Variants in ALDH1L1 observed in about 807,000 individuals in gnomAD.
ALDH1L1 encodes aldehyde dehydrogenase 1 family member L1, also known as cytosolic 10-formyltetrahydrofolate dehydrogenase.
ALDH1L1 carries 68 observed loss-of-function variants against 101.1 expected under a neutral mutation model. The ratio of observed to expected loss-of-function variants is 0.67; its 90% CI spans 0.55 to 0.82. The LOEUF (loss-of-function observed/expected upper bound fraction) is 0.82. ALDH1L1 is among the 40% of genes least tolerant of loss of function. The probability of loss-of-function intolerance (pLI) is 0.00; values close to 1 mark genes in which losing one functional copy is unlikely to be tolerated. For missense variants in ALDH1L1, 1,087 were observed against 1,172.7 expected (o/e 0.93, Z 1.07); for synonymous variants, 486 against 470.8 (o/e 1.03, Z -0.42).
At chr3:126,196,260 C>T (rs772446380) in intron 1 of ALDH1L1, among the ~76,000 whole-genome samples, 3 of 152,082 alleles carry the variant, frequency 2.0e-5, no homozygotes, top group South Asian at 2.1e-4. Flanking sequence ...AAGGCAAAAC[C>T]GACCTTCAAA....
chr3:126,142,525 G>A (rs2080587665), intron 9 of ALDH1L1, among the ~76,000 whole-genome samples: 1 of 149,856 alleles, frequency 6.7e-6, no homozygotes, highest in Admixed American at 6.7e-5. Context: ...TTCTTGGAAT[G>A]CAAGGATACT....
At chr3:126,109,900 G>C (rs1283827207) in intron 20 of ALDH1L1, 44 bp downstream of exon 20, 2 of 1,604,568 alleles carry the variant, frequency 1.2e-6, no homozygotes, top group African/African-American at 1.3e-5. Context: ...CATGGGACCT[G>C]CTGCCTCAAT....
At chr3:126,118,595 C>T (rs964944025) in intron 16 of ALDH1L1, among the ~76,000 whole-genome samples, 5 of 152,062 alleles carry the variant, frequency 3.3e-5, no homozygotes, top group South Asian at 4.2e-4. Context: ...CCCCAGTCTG[C>T]GGAGCTTTGA....
chr3:126,171,849 A>G (rs2081283470), intron 1 of ALDH1L1, among the ~76,000 whole-genome samples: 1 of 152,178 alleles, frequency 6.6e-6, no homozygotes, highest in Non-Finnish European at 1.5e-5. Flanking sequence ...TCACTGAAAC[A>G]CTAAGACCTA....
In ALDH1L1 at chr3:126,103,648, C is replaced by T. The variant is rs1292280671; in HGVS notation, c.*143G>A. The T allele has an allele frequency of 1.3e-5, 11 of 815,298 alleles. No homozygotes were observed. Among genetic ancestry groups the T allele is most frequent in the South Asian group, 5.0e-5 (3 of 59,886 alleles). The allele number at this position is 815,298 out of a possible 1,614,324, so 50.5% of individuals were successfully genotyped here. A position where few individuals can be genotyped will look rare whatever the true frequency, so the allele number is the denominator to read the frequency against. ...GGGCTGCTTCTGACTGGACAGAGGGCGTCCAAGATGCAGACATGGTGTGCA... is the reference window on the plus strand; with the variant it reads ...GGGCTGCTTCTGACTGGACAGAGGGTGTCCAAGATGCAGACATGGTGTGCA... On this transcript the variant is annotated 3_prime_UTR_variant, in exon 23 of 23. Transcript: ENST00000393434.
At position 126,114,667 on chromosome 3, in the gene ALDH1L1, C is replaced by G. The variant is rs768822020; in HGVS notation, c.1983-11G>C. ...TTACTTATGGCACAGCTGCAAGGAA[C>G]AGAGGGCTGGTGGGGCCGGTCCCTC... On this transcript the variant is annotated splice_polypyrimidine_tract_variant and intron_variant, in intron 17 of 22. Coordinates refer to ENST00000393434, the MANE Select transcript of ALDH1L1 (RefSeq NM_012190.4). 2 of 1,544,682 alleles carry G rather than the reference C, an allele frequency of 1.3e-6. No individual in the cohort carries two copies. The highest frequency in any genetic ancestry group is 1.7e-6 in the Non-Finnish European group (2 of 1,144,324).
chr3:126,188,016 G>A (rs569122746), intron 1 of ALDH1L1, among the ~76,000 whole-genome samples: 1 of 152,210 alleles, frequency 6.6e-6, no homozygotes, highest in East Asian at 1.9e-4. Flanking sequence ...GCTGCTACAC[G>A]GTCAGGCTGC....
intron 8 of ALDH1L1, among the ~76,000 whole-genome samples, chr3:126,148,632 C>T (rs1388010205): frequency 6.6e-6 from 1 of 152,146 alleles, no homozygotes; most frequent in African/African-American, 2.4e-5. Context: ...TTGAGCCCAG[C>T]CCTCCAGAGC....
intron 1 of ALDH1L1, among the ~76,000 whole-genome samples, chr3:126,194,342 C>G (rs991655918): frequency 6.6e-6 from 1 of 152,110 alleles, no homozygotes; most frequent in South Asian, 2.1e-4. Flanking sequence ...TCCTGTTTAC[C>G]TCTCTTTTGG....
chr3:126,157,490 A>G lies in ALDH1L1; in HGVS notation c.381T>C (p.Asp127=). ...AGAAGATGGAAAACCCCCCTTTCTT[A>G]TCTCCGTGAATGAGGGTCCTAGGAA... ...SAINWTLIHG[D]KKGGFSIFWA... The change falls in exon 4 of 23, where the codon GAT becomes GAC. Residue 127 remains aspartate, a synonymous_variant. Transcript: ENST00000393434. 1 of 1,613,820 alleles carries G rather than the reference A, an allele frequency of 6.2e-7. No homozygotes were observed. Among genetic ancestry groups the G allele is most frequent in the Non-Finnish European group, 8.5e-7 (1 of 1,179,950 alleles).
intron 16 of ALDH1L1, 52 bp from the exon 17 acceptor site, chr3:126,118,150 G>A (rs374431445): frequency 1.4e-6 from 2 of 1,466,570 alleles, no homozygotes. Flanking sequence ...GTGCTGGGGA[G>A]GCAGGAGCCC....
Position 126,174,587 on chromosome 3 carries a change from A to T in ALDH1L1, c.-24+5889T>A, listed in dbSNP as rs79357345. Among the ~76,000 whole-genome samples the T allele has an allele frequency of 5.9e-5, 9 of 152,380 alleles. No homozygotes were observed. The East Asian group carries it at 1.7e-3, about 29-fold the overall frequency. The stretch of plus-strand genomic sequence containing the variant: ...CACAACAGAATCACTAGAAATCAAT[A>T]ACAGAAAGATATCTGAAAAACATTA... On this transcript the variant is annotated intron_variant, in intron 1 of 22. Transcript: ENST00000393434.
chr3:126,191,475 G>T (rs1363831373), intron 1 of ALDH1L1, among the ~76,000 whole-genome samples: 1 of 152,176 alleles, frequency 6.6e-6, no homozygotes, highest in Non-Finnish European at 1.5e-5. Context: ...CAATTTGGAA[G>T]TCCTAAGGTT....
chr3:126,186,493 A>C (rs558604729), upstream of ALDH1L1, among the ~76,000 whole-genome samples: 457 of 151,774 alleles, frequency 3.0e-3, 1 homozygote, highest in African/African-American at 0.01. Context: ...CTGACCCTGA[A>C]CCTGACCCTG....
intron 19 of ALDH1L1, 61 bp downstream of exon 19, chr3:126,112,721 T>C: frequency 6.6e-7 from 1 of 1,504,520 alleles, no homozygotes; most frequent in South Asian, 1.1e-5. Context: ...TCCAACCCCC[T>C]CCAGCCAGGC....
intron 19 of ALDH1L1, among the ~76,000 whole-genome samples, chr3:126,112,225 G>A (rs894586814): frequency 7.2e-5 from 11 of 152,170 alleles, no homozygotes; most frequent in Admixed American, 3.3e-4. Context: ...CCAGATCCCC[G>A]AGGCCATGCA....
chr3:126,131,311 C>T, intron 13 of ALDH1L1, 73 bp downstream of exon 13: 2 of 1,461,004 alleles, frequency 1.4e-6, no homozygotes, highest in East Asian at 2.4e-5. Context: ...GATGACTGTG[C>T]TGCCCTTGGA....
chr3:126,171,469 A>T (rs1397127806), intron 1 of ALDH1L1, among the ~76,000 whole-genome samples: 3 of 150,814 alleles, frequency 2.0e-5, no homozygotes, highest in African/African-American at 7.4e-5. Flanking sequence ...TCTGTAAGAG[A>T]GTGTGCCTCT....
At chr3:126,109,273 C>A (rs1003259441) in intron 20 of ALDH1L1, among the ~76,000 whole-genome samples, 1 of 152,322 alleles carries the variant, frequency 6.6e-6, no homozygotes, top group South Asian at 2.1e-4. Context: ...ACGGTCCATC[C>A]CCGTGGCTGC....
Sources: allele counts gnomAD v4.1 joint callset (sites outside exome capture counted in the v4.1 genomes callset), GRCh38; gene constraint gnomAD v4.1.1; transcripts MANE v1.5; gene names NCBI Gene and HGNC (gene_info 2026-07-23, HGNC 2026-07-21).